The following NR3C1 variants were observed in gnomAD, a reference collection of about 807,000 sequenced individuals.
NR3C1 encodes the protein nuclear receptor subfamily 3 group C member 1.
In NR3C1, 14 loss-of-function variants were observed where a neutral mutation model predicts 74.0. That is an observed-to-expected ratio of 0.19 (90% CI 0.12 to 0.30). The LOEUF (loss-of-function observed/expected upper bound fraction) is 0.30, where lower values mean the gene tolerates loss of function less well. Ranked by LOEUF, NR3C1 falls within the 10% of genes least tolerant of loss-of-function variation. The pLI is 1.00. For missense variants in NR3C1, 695 were observed against 909.8 expected (o/e 0.76, Z 3.04); for synonymous variants, 308 against 332.5 (o/e 0.93, Z 0.80).
At chr5:143,320,543 C>T (rs1291416531) in intron 2 of NR3C1, among the ~76,000 whole-genome samples, 5 of 152,082 alleles carry the variant, frequency 3.3e-5, no homozygotes, top group Non-Finnish European at 1.5e-5. Context: ...GTCTGTAAAA[C>T]GAAGGTCTTG....
intron 2 of NR3C1, among the ~76,000 whole-genome samples, chr5:143,351,457 A>C (rs549113291): frequency 1.6e-4 from 24 of 152,338 alleles, no homozygotes; most frequent in African/African-American, 5.5e-4. Context: ...ACATACAGAC[A>C]AGAATAATTT....
At chr5:143,315,581 T>C (rs1238892778) in intron 2 of NR3C1, among the ~76,000 whole-genome samples, 1 of 152,218 alleles carries the variant, frequency 6.6e-6, no homozygotes, top group Non-Finnish European at 1.5e-5. Flanking sequence ...TCGTTGTCTC[T>C]GTTATTCTTT....
intron 2 of NR3C1, among the ~76,000 whole-genome samples, chr5:143,392,328 A>G (rs1300817676): frequency 6.6e-6 from 1 of 152,206 alleles, no homozygotes; most frequent in East Asian, 1.9e-4. Flanking sequence ...AAACCCTCTC[A>G]CTATTTTACA....
chr5:143,378,013 G>A (rs1480178677), intron 2 of NR3C1, among the ~76,000 whole-genome samples: 1 of 152,136 alleles, frequency 6.6e-6, no homozygotes, highest in Non-Finnish European at 1.5e-5. Flanking sequence ...ATTTTGGAAG[G>A]CTGAGACCAG....
intron 2 of NR3C1, among the ~76,000 whole-genome samples, chr5:143,387,519 C>G (rs1359104679): frequency 6.6e-6 from 1 of 152,144 alleles, no homozygotes; most frequent in Non-Finnish European, 1.5e-5. Flanking sequence ...TTCAGCTATT[C>G]ATTTATTTTG....
rs1312404939 is a variant in NR3C1, at chr5:143,281,479, A to G, written c.*410T>C. 4.7e-6 allele frequency: 1 copy of G among 212,494 alleles called. No homozygotes were observed. Among genetic ancestry groups the G allele is most frequent in the Non-Finnish European group, 9.5e-6 (1 of 105,140 alleles). The allele number at this position is 212,494 out of a possible 1,614,324, so 13.2% of individuals were successfully genotyped here. ...ATCAAAAATGCTATCCTAACTATAC[A>G]GGGGGGGGATACACCAACAGAAAGT... On this transcript the variant is annotated 3_prime_UTR_variant, in exon 9 of 9. Coordinates refer to ENST00000394464, the MANE Select transcript of NR3C1 (RefSeq NM_000176.3).
intron 2 of NR3C1, among the ~76,000 whole-genome samples, chr5:143,358,879 A>G (rs1831684342): frequency 6.6e-6 from 1 of 152,040 alleles, no homozygotes; most frequent in Non-Finnish European, 1.5e-5. Flanking sequence ...CAGCCCCGTG[A>G]ACAAGAGCAA....
chr5:143,405,765 C>A (rs951456429), upstream of NR3C1, among the ~76,000 whole-genome samples: 1 of 152,174 alleles, frequency 6.6e-6, no homozygotes, highest in East Asian at 1.9e-4. Context: ...GTTAACAAAA[C>A]CCCCTTCTGG....
chr5:143,404,445 A>G (rs1381557108), upstream of NR3C1: 9 of 984,922 alleles, frequency 9.1e-6, no homozygotes, highest in African/African-American at 5.3e-5. Context: ...CCGGGTCTTC[A>G]GCTGCCGCCG....
chr5:143,321,312 ATATT>A (rs1282914669), intron 2 of NR3C1, among the ~76,000 whole-genome samples: 1 of 152,224 alleles, frequency 6.6e-6, no homozygotes, highest in Non-Finnish European at 1.5e-5. Flanking sequence ...TTCTCTCACT[ATATT>A]TAGTAACCCA....
intron 4 of NR3C1, among the ~76,000 whole-genome samples, chr5:143,306,172 T>C (rs1819553008): frequency 2.6e-5 from 4 of 152,156 alleles, no homozygotes; most frequent in Admixed American, 2.6e-4. Flanking sequence ...CTTTAAGCAG[T>C]GAAGGCCACT....
At position 143,362,365 on chromosome 5, in the gene NR3C1, T is replaced by G. The variant is rs563955776; in HGVS notation, c.1184+37291A>C. Among the ~76,000 whole-genome samples the G allele has an allele frequency of 3.3e-5, 5 of 152,020 alleles. No individual in the cohort carries two copies. The East Asian group carries it at 7.8e-4, about 24-fold the overall frequency. ...GACCTCTTTCATGAAGACTTGTTTTTTTTTTTTTTTGTTGAGACGGAGTCT... is the reference window on the plus strand; with the variant it reads ...GACCTCTTTCATGAAGACTTGTTTTGTTTTTTTTTTGTTGAGACGGAGTCT... On this transcript the variant is annotated intron_variant, in intron 2 of 8. Coordinates refer to ENST00000394464, the MANE Select transcript of NR3C1 (RefSeq NM_000176.3).
At chr5:143,286,318 T>C (rs1051887402) in intron 7 of NR3C1, among the ~76,000 whole-genome samples, 7 of 152,120 alleles carry the variant, frequency 4.6e-5, no homozygotes, top group Admixed American at 6.6e-5. Flanking sequence ...ACCAAAGCTA[T>C]AGAATATATC....
intron 2 of NR3C1, among the ~76,000 whole-genome samples, chr5:143,373,746 C>T (rs911998198): frequency 5.9e-5 from 9 of 151,490 alleles, no homozygotes; most frequent in Non-Finnish European, 1.3e-4. Flanking sequence ...GCAAAAAATA[C>T]AAAATTTACT....
intron 6 of NR3C1, among the ~76,000 whole-genome samples, chr5:143,298,159 A>G (rs566233032): frequency 6.6e-6 from 1 of 152,314 alleles, no homozygotes; most frequent in East Asian, 1.9e-4. Context: ...AAAATCTTAA[A>G]GGCTTGGTCT....
At chr5:143,431,342 A>G (rs190371591) in intron 1 of NR3C1, among the ~76,000 whole-genome samples, 13 of 152,334 alleles carry the variant, frequency 8.5e-5, no homozygotes, top group Non-Finnish European at 1.5e-4. Flanking sequence ...AACAGATTAT[A>G]GAGAAGAACA....
chr5:143,381,101 T>C (rs1836145243), intron 2 of NR3C1, among the ~76,000 whole-genome samples: 1 of 152,104 alleles, frequency 6.6e-6, no homozygotes, highest in Admixed American at 6.5e-5. Context: ...AGTTACAGGA[T>C]ACAAAATCAA....
chr5:143,323,453 C>T (rs188930568), intron 2 of NR3C1, among the ~76,000 whole-genome samples: 5 of 152,222 alleles, frequency 3.3e-5, no homozygotes, highest in Admixed American at 3.3e-4. Flanking sequence ...AGACCAGCCC[C>T]CATGATTCAA....
chr5:143,295,888 CTTA>C (rs1817062626), intron 6 of NR3C1, among the ~76,000 whole-genome samples: 1 of 152,044 alleles, frequency 6.6e-6, no homozygotes, highest in Admixed American at 6.6e-5. Flanking sequence ...TCTTATAGAA[CTTA>C]TTACTAGTTG....
Sources: gnomAD v4.1 joint callset for allele counts (sites outside exome capture counted in the v4.1 genomes callset) on GRCh38, gnomAD v4.1.1 for gene constraint, MANE v1.5 for transcripts, NCBI Gene and HGNC (gene_info 2026-07-23, HGNC 2026-07-21) for gene names.